The following CPED1 variants were observed in gnomAD, a reference collection of about 807,000 sequenced individuals.
CPED1 encodes the protein cadherin-like and PC-esterase domain-containing protein 1.
Under a neutral mutation model 128.2 loss-of-function variants are expected in CPED1, and 114 were observed. The observed-to-expected ratio is 0.89, with a 90% confidence interval of 0.76 to 1.04. The LOEUF (loss-of-function observed/expected upper bound fraction) is 1.04. Among genes scored for constraint, CPED1 ranks in the 50% least tolerant of loss-of-function variants. The probability of loss-of-function intolerance (pLI) is 0.00; values close to 1 mark genes in which losing one functional copy is unlikely to be tolerated. For missense variants in CPED1, 1,211 were observed against 1,207.1 expected (o/e 1.00, Z -0.05); for synonymous variants, 462 against 426.7 (o/e 1.08, Z -1.02).
chr7:121,108,665 G>T (rs1450709137), intron 7 of CPED1, among the ~76,000 whole-genome samples: 3 of 152,086 alleles, frequency 2.0e-5, no homozygotes, highest in African/African-American at 7.2e-5. Context: ...TTACTTGAGA[G>T]TGGTATAAAT....
chr7:121,093,397 T>TATACACACAC (rs1554433495), intron 5 of CPED1, among the ~76,000 whole-genome samples: 4,951 of 145,534 alleles, frequency 0.034, 163 homozygotes, highest in African/African-American at 0.079. Flanking sequence ...CCTTTTTCTG[T>TATACACACAC]ACACACACAC....
chr7:121,086,590 A>T (rs750712485), intron 5 of CPED1, among the ~76,000 whole-genome samples: 11 of 151,934 alleles, frequency 7.2e-5, no homozygotes, highest in Non-Finnish European at 1.5e-4. Flanking sequence ...GTCAACTCAG[A>T]CTCCTGGGAC....
intron 3 of CPED1, among the ~76,000 whole-genome samples, chr7:121,045,287 C>T (rs185084555): frequency 4.6e-5 from 7 of 152,250 alleles, no homozygotes; most frequent in Admixed American, 3.9e-4. Flanking sequence ...TGCTGTCTTC[C>T]AGCATCTTGA....
chr7:121,032,999 T>C (rs1792776019), intron 3 of CPED1, among the ~76,000 whole-genome samples: 4 of 152,204 alleles, frequency 2.6e-5, no homozygotes, highest in African/African-American at 9.6e-5. Flanking sequence ...CAAGGAGACC[T>C]ACCACCTGGA....
At position 121,158,713 on chromosome 7, in the gene CPED1, C is replaced by T. The variant is rs553259483; in HGVS notation, c.2055+16572C>T. ...TCACTGCAGGATATGGAATATTAAC[C>T]ATCTAGCCCTTAAAAAGAGTACTAA... On this transcript the variant is annotated intron_variant, in intron 16 of 22. Transcript: ENST00000310396. 3.3e-5 allele frequency among the ~76,000 whole-genome samples: 5 copies of T among 152,102 alleles called. No homozygotes were observed. In the East Asian group the frequency reaches 5.8e-4, roughly 18 times the overall value.
chr7:121,236,810 T>C lies in CPED1; in HGVS notation c.2152T>C (p.Cys718Arg). The C allele has an allele frequency of 6.3e-7, 1 of 1,598,242 alleles. No homozygotes were observed. The highest frequency in any genetic ancestry group is 8.5e-7 in the Non-Finnish European group (1 of 1,169,780). ...EAILQSELKR[C>R]PSGDMKGQWI... ...CATTTTACAGTCTGAACTAAAAAGA[T>C]GTCCATCTGGGGACATGAAAGGTGA... Residue 718 changes from cysteine to arginine, a missense_variant, in exon 17 of 23, where the codon TGT (cysteine) becomes CGT (arginine). Coordinates refer to ENST00000310396, the MANE Select transcript of CPED1 (RefSeq NM_024913.5).
chr7:121,215,413 A>T (rs1175452625), intron 16 of CPED1, among the ~76,000 whole-genome samples: 1 of 152,116 alleles, frequency 6.6e-6, no homozygotes, highest in East Asian at 1.9e-4. Context: ...ATTTTCATAA[A>T]TTTAAAAAAC....
intron 7 of CPED1, among the ~76,000 whole-genome samples, chr7:121,105,249 G>T (rs1794947322): frequency 6.6e-6 from 1 of 152,118 alleles, no homozygotes; most frequent in Non-Finnish European, 1.5e-5. Context: ...TTGTAGGGAT[G>T]AAGTTAGCCT....
chr7:121,142,450 G>A (rs889978258), intron 16 of CPED1, among the ~76,000 whole-genome samples: 5 of 151,816 alleles, frequency 3.3e-5, no homozygotes, highest in Admixed American at 3.3e-4. Flanking sequence ...CTTTTAAATT[G>A]GGCTATTTTT....
intron 16 of CPED1, among the ~76,000 whole-genome samples, chr7:121,187,034 T>G (rs1439095730): frequency 6.6e-6 from 1 of 152,204 alleles, no homozygotes; most frequent in East Asian, 1.9e-4. Flanking sequence ...TAGATGCAAT[T>G]TTCTGGGGTA....
At chr7:121,027,143 G>A (rs1012339363) in intron 3 of CPED1, among the ~76,000 whole-genome samples, 1 of 151,492 alleles carries the variant, frequency 6.6e-6, no homozygotes, top group Non-Finnish European at 1.5e-5. Flanking sequence ...GCCTGGCTCT[G>A]TCATTTCTTA....
chr7:121,136,190 C>A (rs988615504), intron 14 of CPED1, 100 bp downstream of exon 14: 2 of 1,129,578 alleles, frequency 1.8e-6, no homozygotes, highest in Non-Finnish European at 2.5e-6. Context: ...GGGTATCTTA[C>A]GCTGATAATT....
intron 3 of CPED1, among the ~76,000 whole-genome samples, chr7:121,033,090 A>C (rs1343678929): frequency 6.6e-6 from 1 of 152,208 alleles, no homozygotes; most frequent in African/African-American, 2.4e-5. Context: ...CTAGCAAATA[A>C]GAGAAAACTG....
chr7:121,044,648 C>CTTTTTTTTTGTTTTTTTTTT (rs35159862), intron 3 of CPED1, among the ~76,000 whole-genome samples: 2 of 69,538 alleles, frequency 2.9e-5, no homozygotes, highest in Non-Finnish European at 5.6e-5. Context: ...TGACTTTCTG[C>CTTTTTTTTTGTTTTTTTTTT]TCTTTTTTTT....
chr7:121,105,470 C>A (rs989033435), intron 7 of CPED1, among the ~76,000 whole-genome samples: 3 of 152,090 alleles, frequency 2.0e-5, no homozygotes, highest in Non-Finnish European at 2.9e-5. Context: ...TTTGACTGAG[C>A]ATCTGGCCCT....
At chr7:121,223,381 G>A (rs1166355627) in intron 16 of CPED1, among the ~76,000 whole-genome samples, 5 of 152,054 alleles carry the variant, frequency 3.3e-5, no homozygotes, top group South Asian at 2.1e-4. Flanking sequence ...GAGGATTTTC[G>A]CATTGATGTT....
chr7:121,274,274 C>T (rs1274424042), intron 22 of CPED1, among the ~76,000 whole-genome samples: 3 of 152,096 alleles, frequency 2.0e-5, no homozygotes, highest in Non-Finnish European at 2.9e-5. Flanking sequence ...GCTTTTTGAA[C>T]CATCAGCACT....
chr7:121,071,185 T>C (rs1419224912), intron 5 of CPED1, among the ~76,000 whole-genome samples: 1 of 152,118 alleles, frequency 6.6e-6, no homozygotes, highest in East Asian at 1.9e-4. Flanking sequence ...GAGCAAGTGG[T>C]CTCACTGAGA....
chr7:121,141,073 C>G, intron 15 of CPED1, 60 bp downstream of exon 15: 1 of 1,366,016 alleles, frequency 7.3e-7, no homozygotes, highest in South Asian at 1.7e-5. Context: ...ACATTTGATG[C>G]AAACTTTGAA....
Sources: allele counts gnomAD v4.1 joint callset (sites outside exome capture counted in the v4.1 genomes callset), GRCh38; gene constraint gnomAD v4.1.1; transcripts MANE v1.5; gene names NCBI Gene and HGNC (gene_info 2026-07-23, HGNC 2026-07-21).